The following TENM1 variants were observed in gnomAD, a reference collection of about 807,000 sequenced individuals.
TENM1 encodes teneurin transmembrane protein 1, also known as teneurin-1.
In TENM1, 35 loss-of-function variants were observed where a neutral mutation model predicts 174.8. The ratio of observed to expected loss-of-function variants is 0.20; its 90% CI spans 0.15 to 0.27. The LOEUF (loss-of-function observed/expected upper bound fraction) is 0.27, where lower values mean the gene tolerates loss of function less well. TENM1 is among the 10% of genes least tolerant of loss of function. The pLI is 1.00. For synonymous variants in TENM1, 781 were observed against 798.7 expected (o/e 0.98, Z 0.37); for missense variants, 1,633 against 2,130.1 (o/e 0.77, Z 4.59).
chrX:124,866,139 C>T lies in TENM1; in HGVS notation c.535+28157G>A, dbSNP rs1472075687. 2.7e-5 allele frequency among the ~76,000 whole-genome samples: 3 copies of T among 111,895 alleles called. No individual in the cohort carries two copies. The Admixed American group carries it at 2.8e-4, about 11-fold the overall frequency. On this transcript the variant is annotated intron_variant, in intron 3 of 31. Coordinates refer to ENST00000422452, the Ensembl canonical transcript of TENM1. Reference sequence around the variant, plus strand: ...TCAACAAAGAAACATCAGACTTAATCTGCACTATAGACCACATGGATGTAA... The same window carrying T: ...TCAACAAAGAAACATCAGACTTAATTTGCACTATAGACCACATGGATGTAA...
At chrX:124,508,558 G>T (rs373868992) in intron 18 of TENM1, among the ~76,000 whole-genome samples, 22 of 111,910 alleles carry the variant, frequency 2.0e-4, no homozygotes, top group East Asian at 1.4e-3. Context: ...CAAAAATAAG[G>T]GTTAAATATG....
At chrX:124,760,028 A>G (rs1323230864) in intron 3 of TENM1, among the ~76,000 whole-genome samples, 2 of 111,084 alleles carry the variant, frequency 1.8e-5, no homozygotes, top group African/African-American at 6.6e-5. Context: ...CCCTTTCACG[A>G]CTAATTGTCT....
chrX:124,443,070 G>GTA (rs1481734906), intron 23 of TENM1, among the ~76,000 whole-genome samples: 27 of 72,602 alleles, frequency 3.7e-4, no homozygotes, highest in African/African-American at 1.1e-3. Flanking sequence ...GTGTGTGTGT[G>GTA]TGTGTGTGTG....
the TENM1 span, among the ~76,000 whole-genome samples, chrX:125,108,209 G>T: frequency 9.0e-6 from 1 of 110,944 alleles, no homozygotes; most frequent in African/African-American, 3.3e-5. Flanking sequence ...TATCTCAGAG[G>T]ATGCCTCAGA....
chrX:125,094,943 ATG>A, the TENM1 span, among the ~76,000 whole-genome samples: 2 of 112,250 alleles, frequency 1.8e-5, no homozygotes, highest in Non-Finnish European at 3.8e-5. Flanking sequence ...CCAGTTTTTA[ATG>A]TGTGTAAGGC....
intron 11 of TENM1, among the ~76,000 whole-genome samples, chrX:124,605,566 T>C (rs1371214375): frequency 1.8e-5 from 2 of 111,209 alleles, no homozygotes; most frequent in Non-Finnish European, 3.8e-5. Context: ...GCCATTTTTG[T>C]TTTCAGTAAT....
chrX:125,145,160 C>G, the TENM1 span, among the ~76,000 whole-genome samples: 1 of 111,786 alleles, frequency 8.9e-6, no homozygotes, highest in African/African-American at 3.3e-5. Flanking sequence ...CCCCATCTCC[C>G]ACAGAAAATC....
chrX:124,894,331 C>G (rs372746864), exon 3 of TENM1: 3 of 1,196,869 alleles, frequency 2.5e-6, no homozygotes, highest in African/African-American at 3.6e-5. Context: ...CATGTCACAA[C>G]AAACAGGAGA....
intron 23 of TENM1, among the ~76,000 whole-genome samples, chrX:124,448,010 A>C (rs1240288912): frequency 9.0e-6 from 1 of 111,329 alleles, no homozygotes; most frequent in African/African-American, 3.3e-5. Context: ...CCCAAACTGA[A>C]CCCATCATCC....
intron 3 of TENM1, among the ~76,000 whole-genome samples, chrX:124,755,234 A>G (rs1444186828): frequency 3.7e-5 from 4 of 108,972 alleles, no homozygotes; most frequent in African/African-American, 1.0e-4. Context: ...TCCCTTTACC[A>G]TTATGTAATG....
At chrX:124,572,889 G>A (rs751487806) in intron 11 of TENM1, among the ~76,000 whole-genome samples, 2 of 111,400 alleles carry the variant, frequency 1.8e-5, no homozygotes, top group South Asian at 7.6e-4. Flanking sequence ...AAGATATACT[G>A]TGTTCATGGC....
At chrX:125,158,807 T>G in the TENM1 span, among the ~76,000 whole-genome samples, 1 of 111,636 alleles carries the variant, frequency 9.0e-6, no homozygotes. Flanking sequence ...GCTTCTAAGT[T>G]CCTTTTCATT....
intron 11 of TENM1, among the ~76,000 whole-genome samples, chrX:124,619,037 C>T (rs769296494): frequency 8.9e-6 from 1 of 111,759 alleles, no homozygotes; most frequent in Non-Finnish European, 1.9e-5. Flanking sequence ...GGACTATGAT[C>T]TCATCACTGA....
intron 30 of TENM1, among the ~76,000 whole-genome samples, 178 bp from the exon 34 acceptor site, chrX:124,382,990 C>T (rs1238981761): frequency 9.6e-6 from 1 of 104,065 alleles, no homozygotes; most frequent in Non-Finnish European, 2.0e-5. Flanking sequence ...TAGTCTCACT[C>T]TGTTGCCCAG....
intron 1 of TENM1, among the ~76,000 whole-genome samples, chrX:124,899,484 C>A (rs938902187): frequency 8.9e-6 from 1 of 111,840 alleles, no homozygotes; most frequent in African/African-American, 3.2e-5. Flanking sequence ...TGAGCCACCA[C>A]ACCTAGTCTG....
the TENM1 span, among the ~76,000 whole-genome samples, chrX:125,117,632 A>G: frequency 9.0e-6 from 1 of 110,814 alleles, no homozygotes; most frequent in Non-Finnish European, 1.9e-5. Context: ...GCAAACCACC[A>G]TGGCACGTGT....
At chrX:125,185,785 T>C in the TENM1 span, among the ~76,000 whole-genome samples, 1 of 112,106 alleles carries the variant, frequency 8.9e-6, no homozygotes, top group Non-Finnish European at 1.9e-5. Context: ...TATGAACGAA[T>C]GGAAGAGATA....
At chrX:125,164,950 G>C in the TENM1 span, among the ~76,000 whole-genome samples, 2 of 111,444 alleles carry the variant, frequency 1.8e-5, no homozygotes, top group Admixed American at 9.6e-5. Flanking sequence ...TACCAAAAAG[G>C]TGTTCATTAC....
chrX:125,047,964 G>A, the TENM1 span, among the ~76,000 whole-genome samples: 4 of 111,236 alleles, frequency 3.6e-5, no homozygotes, highest in Non-Finnish European at 5.7e-5. Flanking sequence ...AGTAGCTTCA[G>A]GACAAGAGGA....
Sources: allele counts gnomAD v4.1 joint callset (sites outside exome capture counted in the v4.1 genomes callset), GRCh38; gene constraint gnomAD v4.1.1; transcripts MANE v1.5; gene names NCBI Gene and HGNC (gene_info 2026-07-23, HGNC 2026-07-21).